Variants in UNC5A observed in about 807,000 individuals in gnomAD.
UNC5A encodes the protein unc-5 netrin receptor A.
Under a neutral mutation model 87.4 loss-of-function variants are expected in UNC5A, and 20 were observed. That is an observed-to-expected ratio of 0.23 (90% confidence interval 0.16 to 0.33). The LOEUF (loss-of-function observed/expected upper bound fraction) is 0.33. Among genes scored for constraint, UNC5A ranks in the 10% least tolerant of loss-of-function variants. The probability of loss-of-function intolerance (pLI) is 1.00; values close to 1 mark genes in which losing one functional copy is unlikely to be tolerated. For missense variants in UNC5A, 844 were observed against 1,133.4 expected, an observed-to-expected ratio of 0.74 and a Z score of 3.67; for synonymous variants, 438 against 482.3, an observed-to-expected ratio of 0.91 and a Z score of 1.20.
chr5:176,868,523 G>A, intron 3 of UNC5A, 38 bp from the exon 4 acceptor site: 3 of 1,561,236 alleles, frequency 1.9e-6, no homozygotes, highest in Non-Finnish European at 2.6e-6. Context: ...GCCTGTGCGA[G>A]GCCCTCAGAC....
intron 1 of UNC5A, among the ~76,000 whole-genome samples, chr5:176,856,916 A>G (rs1289162073): frequency 6.6e-6 from 1 of 152,120 alleles, no homozygotes; most frequent in African/African-American, 2.4e-5. Flanking sequence ...CTGTCTGACC[A>G]AACACGTCTC....
intron 8 of UNC5A, among the ~76,000 whole-genome samples, chr5:176,876,468 TCAC>T (rs1758264276): frequency 6.6e-6 from 1 of 152,166 alleles, no homozygotes; most frequent in Non-Finnish European, 1.5e-5. Context: ...GAGTCCCTGC[TCAC>T]CACCTCTAGA....
chr5:176,849,032 G>C (rs566066352), intron 1 of UNC5A, among the ~76,000 whole-genome samples: 33 of 152,324 alleles, frequency 2.2e-4, no homozygotes, highest in African/African-American at 7.5e-4. Flanking sequence ...GGGGGTGCTG[G>C]CAAGGGCAGG....
chr5:176,862,938 C>T (rs1430601979), intron 2 of UNC5A, 93 bp downstream of exon 2: 1 of 1,470,916 alleles, frequency 6.8e-7, no homozygotes, highest in African/African-American at 1.4e-5. Flanking sequence ...GGATTCCCCA[C>T]CTGGGACCCC....
intron 1 of UNC5A, among the ~76,000 whole-genome samples, chr5:176,852,268 G>C (rs1236974475): frequency 6.6e-6 from 1 of 151,598 alleles, no homozygotes; most frequent in Non-Finnish European, 1.5e-5. Flanking sequence ...CACACACACA[G>C]AAACACACAT....
At position 176,877,997 on chromosome 5, in the gene UNC5A, T is replaced by C. The variant is rs750926802; in HGVS notation, c.1739T>C (p.Leu580Pro). 6.2e-7 allele frequency: 1 copy of C among 1,606,738 alleles called. No homozygotes were observed. Among genetic ancestry groups the C allele is most frequent in the South Asian group, 1.1e-5 (1 of 91,084 alleles). Residue 580 changes from leucine (L) to proline (P), a missense_variant, in exon 11 of 15, where the codon CTG (leucine) becomes CCG (proline). Leu to Pro is a moderately conservative substitution (Grantham distance 98). Transcript: ENST00000329542. ...VFTEQLGRFALVGEALSVAAA... is the reference protein window; with the variant it reads ...VFTEQLGRFAPVGEALSVAAA... ...ACCGAGCAGCTGGGCCGCTTTGCCCTGGTGGGAGAGGCCCTCAGCGTGGCT... is the reference window on the plus strand; with the variant it reads ...ACCGAGCAGCTGGGCCGCTTTGCCCCGGTGGGAGAGGCCCTCAGCGTGGCT...
intron 1 of UNC5A, among the ~76,000 whole-genome samples, chr5:176,828,330 G>A (rs566110991): frequency 6.6e-6 from 1 of 152,164 alleles, no homozygotes; most frequent in Non-Finnish European, 1.5e-5. Flanking sequence ...GACCTGGGGG[G>A]CAGTGGGGGT....
chr5:176,830,556 G>A (rs1180389358), intron 1 of UNC5A, among the ~76,000 whole-genome samples: 2 of 83,822 alleles, frequency 2.4e-5, no homozygotes, highest in East Asian at 7.8e-4. Context: ...ATGTGCATGT[G>A]TCCTGGTGTG....
intron 1 of UNC5A, among the ~76,000 whole-genome samples, chr5:176,846,599 C>A (rs1408291083): frequency 6.6e-6 from 1 of 152,152 alleles, no homozygotes; most frequent in Non-Finnish European, 1.5e-5. Flanking sequence ...CAGCCCTTGT[C>A]TGACTGAACT....
intron 1 of UNC5A, among the ~76,000 whole-genome samples, chr5:176,837,736 T>C (rs1757180449): frequency 6.6e-6 from 1 of 152,110 alleles, no homozygotes; most frequent in Non-Finnish European, 1.5e-5. Context: ...AACTCTGTTT[T>C]AGCACCACAG....
At chr5:176,822,206 G>T (rs1409819392) in intron 1 of UNC5A, among the ~76,000 whole-genome samples, 1 of 152,258 alleles carries the variant, frequency 6.6e-6, no homozygotes, top group Non-Finnish European at 1.5e-5. Flanking sequence ...TGCTCTGCAG[G>T]TGCGAGCTGT....
chr5:176,845,377 G>A (rs551652516), intron 1 of UNC5A, among the ~76,000 whole-genome samples: 80 of 152,334 alleles, frequency 5.3e-4, no homozygotes, highest in Admixed American at 5.2e-3. Context: ...GATAGGTCCT[G>A]CCTCATATGC....
chr5:176,823,729 C>T (rs910152437), intron 1 of UNC5A, among the ~76,000 whole-genome samples: 2 of 151,288 alleles, frequency 1.3e-5, no homozygotes, highest in Non-Finnish European at 2.9e-5. Flanking sequence ...CAGGTGGCCT[C>T]GGTGAGTCTC....
intron 1 of UNC5A, among the ~76,000 whole-genome samples, chr5:176,850,634 G>A (rs1300415237): frequency 2.0e-5 from 3 of 152,146 alleles, no homozygotes; most frequent in East Asian, 3.9e-4. Flanking sequence ...AGCCGAGCCC[G>A]GGAAGCCGTT....
intron 1 of UNC5A, among the ~76,000 whole-genome samples, chr5:176,840,804 G>A (rs954801320): frequency 6.6e-6 from 1 of 152,248 alleles, no homozygotes; most frequent in African/African-American, 2.4e-5. Context: ...CAGACGACAG[G>A]GAGACCTGCC....
At chr5:176,851,649 G>A (rs1757545308) in intron 1 of UNC5A, among the ~76,000 whole-genome samples, 1 of 152,232 alleles carries the variant, frequency 6.6e-6, no homozygotes, top group Non-Finnish European at 1.5e-5. Flanking sequence ...AGGGAGCTCT[G>A]TGCACCCCCC....
chr5:176,826,697 G>A lies in UNC5A; in HGVS notation c.70+15877G>A, dbSNP rs181969409. Among the ~76,000 whole-genome samples, 9 of 146,856 alleles carry A rather than the reference G, an allele frequency of 6.1e-5. No homozygotes were observed. In the East Asian group the frequency reaches 1.8e-3, roughly 29 times the overall value. On this transcript the variant is annotated intron_variant, in intron 1 of 14. Coordinates refer to ENST00000329542, the MANE Select transcript of UNC5A (RefSeq NM_133369.3). ...GCTCTGTTGCCCAGGCTGGAGTGCAGTGGCACGATCTCGGCTCTCTGCAAG... is the reference window on the plus strand; with the variant it reads ...GCTCTGTTGCCCAGGCTGGAGTGCAATGGCACGATCTCGGCTCTCTGCAAG...
chr5:176,844,218 C>T lies in UNC5A; in HGVS notation c.71-18406C>T, dbSNP rs1757347319. On this transcript the variant is annotated intron_variant, in intron 1 of 14. Coordinates refer to ENST00000329542, the MANE Select transcript of UNC5A (RefSeq NM_133369.3). The surrounding 1 kb of genome is among the most constrained non-coding windows in gnomAD (Gnocchi z 4.2). ...AGGGGACAGATCAGAGGCCCCAGGC[C>T]TTGCCTGATCCTCAGGACAGAGCTG... 6.6e-6 allele frequency among the ~76,000 whole-genome samples: 1 copy of T among 152,126 alleles called. No homozygotes were observed. The highest frequency in any genetic ancestry group is 1.5e-5 in the Non-Finnish European group (1 of 68,026).
chr5:176,858,742 G>GGAAA (rs2113646031), intron 1 of UNC5A, among the ~76,000 whole-genome samples: 1 of 114,322 alleles, frequency 8.7e-6, no homozygotes, highest in African/African-American at 3.4e-5. Flanking sequence ...AAGGAAGGAA[G>GGAAA]GAAGGAAGGA....
Sources: gnomAD v4.1 joint callset for allele counts (sites outside exome capture counted in the v4.1 genomes callset) on GRCh38, gnomAD v4.1.1 for gene constraint, Gnocchi (gnomAD v3.1) non-coding constraint, MANE v1.5 for transcripts, NCBI Gene and HGNC (gene_info 2026-07-23, HGNC 2026-07-21) for gene names.